Variants in NFIA observed in about 807,000 individuals in gnomAD.
NFIA encodes the protein nuclear factor 1 A-type.
A neutral mutation model predicts 62.8 loss-of-function variants in NFIA; 8 were observed. The ratio of observed to expected loss-of-function variants is 0.13; its 90% confidence interval spans 0.07 to 0.23. NFIA has a LOEUF of 0.23. NFIA is among the 10% of genes least tolerant of loss of function. NFIA has a pLI of 1.00. For missense variants in NFIA, 410 were observed against 642.1 expected (o/e 0.64, Z 3.91); for synonymous variants, 235 against 238.1 (o/e 0.99, Z 0.12).
chr1:61,182,182 C>A (rs781512735), intron 2 of NFIA, among the ~76,000 whole-genome samples: 1 of 152,116 alleles, frequency 6.6e-6, no homozygotes, highest in Non-Finnish European at 1.5e-5. Context: ...CATGAGCTAA[C>A]CATCTTGACC....
chr1:61,352,754 AATAC>A (rs768366774), intron 5 of NFIA, among the ~76,000 whole-genome samples, 187 bp downstream of exon 5: 14 of 60,278 alleles, frequency 2.3e-4, no homozygotes, highest in Non-Finnish European at 2.9e-4. Context: ...GGCAAGATTA[AATAC>A]ACACACACAC....
chr1:61,384,647 T>C (rs1664587692), intron 7 of NFIA, among the ~76,000 whole-genome samples: 1 of 152,170 alleles, frequency 6.6e-6, no homozygotes, highest in African/African-American at 2.4e-5. Context: ...GCATATAAAC[T>C]GTAGTGGGGG....
intron 2 of NFIA, among the ~76,000 whole-genome samples, chr1:61,272,827 T>TG (rs1657593841): frequency 6.6e-6 from 1 of 152,120 alleles, no homozygotes; most frequent in Non-Finnish European, 1.5e-5. Flanking sequence ...CTCATGAGAG[T>TG]GGAATTTTCG....
At chr1:61,341,182 G>A (rs763235883) in intron 4 of NFIA, among the ~76,000 whole-genome samples, 5 of 147,604 alleles carry the variant, frequency 3.4e-5, no homozygotes, top group Admixed American at 6.9e-5. Context: ...TCCTGCCTCC[G>A]CCTGCCGAGT....
intron 9 of NFIA, among the ~76,000 whole-genome samples, chr1:61,412,320 A>C (rs1218714343): frequency 6.6e-6 from 1 of 152,190 alleles, no homozygotes; most frequent in African/African-American, 2.4e-5. Context: ...TACAATGGAG[A>C]AAACTAAAAC....
intron 3 of NFIA, among the ~76,000 whole-genome samples, chr1:61,324,086 C>T (rs557672595): frequency 7.9e-5 from 12 of 152,304 alleles, no homozygotes; most frequent in African/African-American, 2.9e-4. Flanking sequence ...CACATTCCCA[C>T]AGGTGGCTCA....
chr1:61,263,721 A>G lies in NFIA; in HGVS notation c.560-13799A>G, dbSNP rs1656920171. On this transcript the variant is annotated intron_variant, in intron 2 of 10. Coordinates refer to ENST00000403491, the MANE Select transcript of NFIA (RefSeq NM_001134673.4). ...AAAAAACAAATAGCATTGGCTGGGCACGGTGGCTCACGCCTGTAATCCCAG... is the reference window on the plus strand; with the variant it reads ...AAAAAACAAATAGCATTGGCTGGGCGCGGTGGCTCACGCCTGTAATCCCAG... 1.3e-5 allele frequency among the ~76,000 whole-genome samples: 2 copies of G among 152,180 alleles called. 1 individual carries two copies.
chr1:61,213,463 T>C (rs1287227921), intron 2 of NFIA, among the ~76,000 whole-genome samples: 2 of 152,194 alleles, frequency 1.3e-5, no homozygotes, highest in African/African-American at 4.8e-5. Context: ...TGGGCCTGTG[T>C]TTTTTTCATT....
chr1:61,368,841 A>G (rs1663736489), intron 6 of NFIA, among the ~76,000 whole-genome samples: 2 of 152,248 alleles, frequency 1.3e-5, no homozygotes, highest in Admixed American at 6.5e-5. Context: ...CTCTGCATCT[A>G]TTATATGCAA....
chr1:61,222,277 C>T (rs1414876870), intron 2 of NFIA, among the ~76,000 whole-genome samples: 1 of 152,054 alleles, frequency 6.6e-6, no homozygotes, highest in Non-Finnish European at 1.5e-5. Flanking sequence ...AAATCTAAGT[C>T]CAAGAGTATC....
chr1:61,447,385 A>G (rs1436772995), intron 10 of NFIA, among the ~76,000 whole-genome samples: 2 of 152,202 alleles, frequency 1.3e-5, no homozygotes, highest in African/African-American at 2.4e-5. Context: ...TCTTGCTCTT[A>G]TGCGATAGAA....
chr1:61,117,409 A>AT (rs79940058), intron 2 of NFIA, among the ~76,000 whole-genome samples: 8 of 150,342 alleles, frequency 5.3e-5, no homozygotes, highest in Admixed American at 1.3e-4. Flanking sequence ...CCCTAATACC[A>AT]TTTTTTTTTC....
chr1:61,126,228 C>T (rs1255424733), intron 2 of NFIA, among the ~76,000 whole-genome samples: 3 of 152,174 alleles, frequency 2.0e-5, no homozygotes, highest in Admixed American at 2.0e-4. Context: ...AAGGCAACCT[C>T]TTCTGTCTAA....
At chr1:61,192,257 T>C (rs1196257592) in intron 2 of NFIA, among the ~76,000 whole-genome samples, 2 of 152,216 alleles carry the variant, frequency 1.3e-5, no homozygotes, top group African/African-American at 4.8e-5. Context: ...GTGTTGGGAT[T>C]ATAGGCATGA....
At chr1:61,115,744 C>T (rs1397677733) in intron 2 of NFIA, among the ~76,000 whole-genome samples, 1 of 152,204 alleles carries the variant, frequency 6.6e-6, no homozygotes, top group Non-Finnish European at 1.5e-5. Context: ...ACTTCATGGG[C>T]AATGTTGAAA....
intron 4 of NFIA, 140 bp from the exon 5 acceptor site, chr1:61,352,310 A>G: frequency 3.3e-6 from 2 of 607,028 alleles, no homozygotes; most frequent in East Asian, 5.5e-5. Context: ...CTTTGGAGTC[A>G]TAGTTTATTA....
intron 2 of NFIA, among the ~76,000 whole-genome samples, chr1:61,184,534 T>C (rs1406827100): frequency 1.3e-5 from 2 of 152,262 alleles, no homozygotes; most frequent in Non-Finnish European, 2.9e-5. Context: ...AAAATGGATT[T>C]CCCTTCTTGG....
chr1:61,113,736 G>A (rs1646748081), intron 2 of NFIA, among the ~76,000 whole-genome samples: 1 of 112,088 alleles, frequency 8.9e-6, no homozygotes, highest in African/African-American at 3.4e-5. Context: ...ATGAGAGAAT[G>A]AGCAGAGGCC....
intron 3 of NFIA, among the ~76,000 whole-genome samples, chr1:61,302,682 A>C (rs1659554481): frequency 6.6e-6 from 1 of 152,234 alleles, no homozygotes; most frequent in African/African-American, 2.4e-5. Context: ...TTAGGGCAGG[A>C]AAATCCAGCT....
Sources: allele counts gnomAD v4.1 joint callset (sites outside exome capture counted in the v4.1 genomes callset), GRCh38; gene constraint gnomAD v4.1.1; transcripts MANE v1.5; gene names NCBI Gene and HGNC (gene_info 2026-07-23, HGNC 2026-07-21).